VWA3A: variants seen among roughly 807,000 people sequenced by gnomAD.
VWA3A encodes von Willebrand factor A domain-containing protein 3A.
A neutral mutation model predicts 160.4 loss-of-function variants in VWA3A; 134 were observed. That is an observed-to-expected ratio of 0.84 (90% CI 0.73 to 0.96). The LOEUF (loss-of-function observed/expected upper bound fraction) is 0.96, where lower values mean the gene tolerates loss of function less well. Ranked by LOEUF, VWA3A falls within the 40% of genes least tolerant of loss-of-function variation. The pLI, the probability that VWA3A is intolerant of heterozygous loss-of-function variation, is 0.00. For missense variants in VWA3A, 1,310 were observed against 1,447.9 expected, an observed-to-expected ratio of 0.90 and a Z score of 1.55; for synonymous variants, 476 against 543.4, an observed-to-expected ratio of 0.88 and a Z score of 1.72.
In VWA3A at chr16:22,140,187, C is replaced by G. The variant is rs764508237; in HGVS notation, c.2326C>G (p.Pro776Ala). The G allele has an allele frequency of 2.5e-6, 4 of 1,613,632 alleles. No individual in the cohort carries two copies. In the Admixed American group the frequency reaches 6.7e-5, roughly 27 times the overall value. The stretch of plus-strand genomic sequence containing the variant: ...AGATGACCCTGACAGAGAGAAGAGC[C>G]CCCCGCTGAAATCTCTGAAATGGCG... ...IKDDPDREKS[P>A]PLKSLKWRPL... is the part of the protein sequence containing the mutation. Residue 776 changes from proline (P) to alanine (A), a missense_variant, in exon 23 of 34, where the codon CCC becomes GCC. By Grantham distance (27) the Pro-to-Ala change is conservative (BLOSUM62 -1). Coordinates refer to ENST00000389398, the MANE Select transcript of VWA3A (RefSeq NM_173615.5).
intron 19 of VWA3A, 149 bp downstream of exon 19, chr16:22,131,878 T>A: frequency 8.2e-7 from 1 of 1,212,844 alleles, no homozygotes; most frequent in Non-Finnish European, 1.1e-6. Flanking sequence ...AAGGATGCTG[T>A]TAAAATGCAG....
Position 22,115,463 on chromosome 16 carries a change from T to A in VWA3A, c.806T>A (p.Met269Lys), listed in dbSNP as rs376741878. The change falls in exon 9 of 34, where the codon ATG (methionine) becomes AAG (lysine). Residue 269 changes from methionine to lysine, a missense_variant. Physicochemically the swap from Met to Lys is moderately conservative, Grantham distance 95. Transcript: ENST00000389398. The stretch of plus-strand genomic sequence containing the variant: ...GGACTGGATTCCCTGGTGGCCATCA[T>A]GAGAAGCTGGTAGGTCTTCTTTCCT... ...LKGLDSLVAI[M>K]RSCPDQPSEI... 10 of 1,606,598 alleles carry A rather than the reference T, an allele frequency of 6.2e-6. No homozygotes were observed. The highest frequency in any genetic ancestry group is 4.0e-5 in the African/African-American group (3 of 74,702).
At chr16:22,146,712 T>A (rs572982927) in intron 27 of VWA3A, among the ~76,000 whole-genome samples, 1 of 150,438 alleles carries the variant, frequency 6.6e-6, no homozygotes, top group African/African-American at 2.5e-5. Flanking sequence ...GAGGTTGCAG[T>A]GAGCTGAGAT....
At chr16:22,135,712 C>T (rs1277011012) in intron 21 of VWA3A, among the ~76,000 whole-genome samples, 2 of 152,184 alleles carry the variant, frequency 1.3e-5, no homozygotes, top group African/African-American at 4.8e-5. Flanking sequence ...GGCCTTTGCA[C>T]CTGCTGTTTC....
At chr16:22,095,532 G>T (rs570846651) in intron 1 of VWA3A, among the ~76,000 whole-genome samples, 2 of 152,188 alleles carry the variant, frequency 1.3e-5, no homozygotes, top group African/African-American at 4.8e-5. Flanking sequence ...GGAGAAAAGG[G>T]GGTGTAACAT....
intron 6 of VWA3A, among the ~76,000 whole-genome samples, chr16:22,106,931 AGT>A (rs1341513302): frequency 6.6e-6 from 1 of 152,214 alleles, no homozygotes; most frequent in Non-Finnish European, 1.5e-5. Context: ...TGCCTGGGCC[AGT>A]GTTGAATGGC....
intron 8 of VWA3A, among the ~76,000 whole-genome samples, chr16:22,113,921 C>T (rs1029260112): frequency 6.6e-6 from 1 of 151,892 alleles, no homozygotes; most frequent in Non-Finnish European, 1.5e-5. Flanking sequence ...TCTATCAATA[C>T]CATAACTGAG....
chr16:22,100,599 C>A, intron 5 of VWA3A, 106 bp downstream of exon 5: 2 of 1,112,692 alleles, frequency 1.8e-6, no homozygotes, highest in South Asian at 1.4e-5. Flanking sequence ...CTTTGGGAGG[C>A]CGAGGCAGGT....
chr16:22,117,658 C>T (rs1389007244), intron 11 of VWA3A, among the ~76,000 whole-genome samples: 1 of 152,246 alleles, frequency 6.6e-6, no homozygotes. Context: ...AATAACTAGA[C>T]ATCAGCCACC....
chr16:22,142,783 C>A lies in VWA3A; in HGVS notation c.2592+18C>A, dbSNP rs943060221. 3.3e-6 allele frequency: 5 copies of A among 1,518,838 alleles called. No homozygotes were observed. The African/African-American group carries it at 6.9e-5, about 21-fold the overall frequency. 94.1% of individuals were successfully genotyped at this position (1,518,838 alleles called of 1,614,324 possible). A position where few individuals can be genotyped will look rare whatever the true frequency, so the allele number is the denominator to read the frequency against. On this transcript the variant is annotated intron_variant, in intron 25 of 33. Transcript: ENST00000389398. ...GCCAAGAGGTATTAAGTCACCCATA[C>A]TAGCACATGCCCATTAAGCAATAGA...
intron 8 of VWA3A, among the ~76,000 whole-genome samples, chr16:22,113,596 TTTG>T (rs1274209228): frequency 2.0e-5 from 3 of 151,346 alleles, no homozygotes; most frequent in Non-Finnish European, 2.9e-5. Context: ...TTTTTGTTTG[TTTG>T]TTGTTTTTTG....
At chr16:22,098,114 G>A (rs1481506752) in intron 3 of VWA3A, among the ~76,000 whole-genome samples, 1 of 152,156 alleles carries the variant, frequency 6.6e-6, no homozygotes, top group African/African-American at 2.4e-5. Context: ...TACGATTTTA[G>A]GCTGACCTTC....
At chr16:22,152,711 CT>C (rs2046372205) in intron 31 of VWA3A, 77 bp downstream of exon 31, 1 of 1,531,226 alleles carries the variant, frequency 6.5e-7, no homozygotes, top group Non-Finnish European at 8.8e-7. Context: ...GGTTTTCCTT[CT>C]TGAACTCCTG....
chr16:22,097,448 A>T, intron 2 of VWA3A, 124 bp from the exon 3 acceptor site: 1 of 1,242,358 alleles, frequency 8.0e-7, no homozygotes, highest in Non-Finnish European at 1.1e-6. Flanking sequence ...AATCCTTCTC[A>T]GTTACTGCAC....
rs186452124 is a variant in VWA3A, at chr16:22,120,067, T to C, written c.1117-901T>C. Among the ~76,000 whole-genome samples the C allele has an allele frequency of 3.9e-5, 6 of 152,154 alleles. No homozygotes were observed. The East Asian group carries it at 7.7e-4, about 20-fold the overall frequency. ...CATTTATTAAGTCCTCATTATGAGA[T>C]AGGCACAATGTTCAATTATTTAAAT... On this transcript the variant is annotated intron_variant, in intron 12 of 33. Coordinates refer to ENST00000389398, the MANE Select transcript of VWA3A (RefSeq NM_173615.5).
chr16:22,147,224 A>G (rs1254048080), intron 27 of VWA3A, among the ~76,000 whole-genome samples: 1 of 151,858 alleles, frequency 6.6e-6, no homozygotes, highest in Non-Finnish European at 1.5e-5. Context: ...GAGTCTTTCT[A>G]TGTTGCACAG....
chr16:22,153,389 T>C (rs970415148), intron 31 of VWA3A, among the ~76,000 whole-genome samples: 1 of 152,146 alleles, frequency 6.6e-6, no homozygotes, highest in African/African-American at 2.4e-5. Context: ...GGAAGTGGTA[T>C]AGCTAGAGCC....
intron 26 of VWA3A, 107 bp downstream of exon 26, chr16:22,144,491 G>T: frequency 1.3e-5 from 19 of 1,454,316 alleles, no homozygotes; most frequent in Non-Finnish European, 1.6e-5. Context: ...TGTAGGAACT[G>T]CCCTCCTCCC....
At chr16:22,123,408 T>C (rs762058845) in intron 15 of VWA3A, 22 of 1,500,702 alleles carry the variant, frequency 1.5e-5, no homozygotes, top group Non-Finnish European at 1.9e-5. Context: ...CTTCCCCATT[T>C]GATGCAATGA....
Sources: gnomAD v4.1 joint callset for allele counts (sites outside exome capture counted in the v4.1 genomes callset) on GRCh38, gnomAD v4.1.1 for gene constraint, MANE v1.5 for transcripts, NCBI Gene and HGNC (gene_info 2026-07-23, HGNC 2026-07-21) for gene names.